LCLAT1: variants seen among roughly 807,000 people sequenced by gnomAD.
LCLAT1 encodes 1-AGP acyltransferase 8.
In LCLAT1, 11 loss-of-function variants were observed where a neutral mutation model predicts 30.7. The ratio of observed to expected loss-of-function variants is 0.36; its 90% CI spans 0.23 to 0.59. The LOEUF is 0.59. Among genes scored for constraint, LCLAT1 ranks in the 20% least tolerant of loss-of-function variants. The pLI is 0.77. For synonymous variants in LCLAT1, 155 were observed against 151.3 expected (o/e 1.02, Z -0.18); for missense variants, 402 against 458.6 (o/e 0.88, Z 1.13).
At chr2:30,633,063 C>G (rs1402760298) in intron 5 of LCLAT1, among the ~76,000 whole-genome samples, 2 of 152,128 alleles carry the variant, frequency 1.3e-5, no homozygotes, top group Non-Finnish European at 2.9e-5. Context: ...CAAGACTGTT[C>G]TTCAAAATGT....
At position 30,643,852 on chromosome 2, in the gene LCLAT1, G is replaced by A. The variant is rs1374703875; in HGVS notation, c.*3233G>A. 6.6e-6 allele frequency: 1 copy of A among 152,600 alleles called. No homozygotes were observed. The highest frequency in any genetic ancestry group is 6.5e-5 in the Admixed American group (1 of 15,274). 9.5% of individuals were successfully genotyped at this position (152,600 alleles called of 1,614,324 possible). A position where few individuals can be genotyped will look rare whatever the true frequency, so the allele number is the denominator to read the frequency against. On this transcript the variant is annotated 3_prime_UTR_variant, in exon 6 of 6. Coordinates refer to ENST00000379509, the MANE Select transcript of LCLAT1 (RefSeq NM_001002257.3). ...GTAAAGTCTCTTTTTGCTACTGAAA[G>A]GGAAATGGTCTCTAAACACTGGTCA...
chr2:30,548,773 ATATATT>A (rs1400529106), intron 3 of LCLAT1, among the ~76,000 whole-genome samples: 1 of 152,168 alleles, frequency 6.6e-6, no homozygotes, highest in African/African-American at 2.4e-5. Context: ...TGGCAAGGTA[ATATATT>A]TTGGGGTAAA....
chr2:30,493,806 C>A (rs1241331059), intron 1 of LCLAT1, among the ~76,000 whole-genome samples: 1 of 152,012 alleles, frequency 6.6e-6, no homozygotes, highest in African/African-American at 2.4e-5. Context: ...ATTGAAATAT[C>A]AAATAAGGTA....
At chr2:30,605,468 A>T (rs2593448) in intron 5 of LCLAT1, among the ~76,000 whole-genome samples, 1 of 152,162 alleles carries the variant, frequency 6.6e-6, no homozygotes, top group African/African-American at 2.4e-5. Flanking sequence ...AGACCAATTT[A>T]CATATTGTTT....
At chr2:30,543,701 AT>A (rs1341067957) in intron 3 of LCLAT1, among the ~76,000 whole-genome samples, 1 of 152,088 alleles carries the variant, frequency 6.6e-6, no homozygotes, top group Non-Finnish European at 1.5e-5. Flanking sequence ...GTTGTTAATA[AT>A]ATTTTGTTAA....
chr2:30,579,118 T>C (rs1448265094), intron 5 of LCLAT1, among the ~76,000 whole-genome samples: 1 of 152,170 alleles, frequency 6.6e-6, no homozygotes, highest in African/African-American at 2.4e-5. Flanking sequence ...GCCATTCTTA[T>C]ATGCCTAGAT....
At chr2:30,524,207 T>G (rs17322869) in intron 1 of LCLAT1, among the ~76,000 whole-genome samples, 27,933 of 152,188 alleles carry the variant, frequency 0.18, 3,096 homozygotes, top group Middle Eastern at 0.24. Context: ...GCATTTATTT[T>G]AAAACATCTG....
At chr2:30,552,222 A>G (rs1218320171) in intron 3 of LCLAT1, among the ~76,000 whole-genome samples, 3 of 152,218 alleles carry the variant, frequency 2.0e-5, no homozygotes, top group Non-Finnish European at 4.4e-5. Context: ...AATATGAAAG[A>G]TGAGTTTGGT....
chr2:30,483,287 G>A (rs1001981578), intron 1 of LCLAT1, among the ~76,000 whole-genome samples: 5 of 152,036 alleles, frequency 3.3e-5, no homozygotes, highest in African/African-American at 9.7e-5. Flanking sequence ...CCAGGAGTTC[G>A]AGACCAGCTT....
intron 4 of LCLAT1, among the ~76,000 whole-genome samples, chr2:30,567,784 C>T (rs1012177718): frequency 6.6e-6 from 1 of 152,294 alleles, no homozygotes; most frequent in African/African-American, 2.4e-5. Flanking sequence ...TTTGCTGGCT[C>T]TCTGTTTAAA....
Position 30,553,173 on chromosome 2 carries a change from G to A in LCLAT1, c.365-8973G>A, listed in dbSNP as rs79439842. Among the ~76,000 whole-genome samples, 1,059 of 152,170 alleles carry A rather than the reference G, an allele frequency of 7.0e-3. 11 individuals are homozygous for A. Among genetic ancestry groups the A allele is most frequent in the African/African-American group, 0.024 (1,005 of 41,516 alleles). ...CACTGAAATGAAAAAAAAAAGTTGT[G>A]AAAAGGCTTACTTTTTATTAAGAAT... On this transcript the variant is annotated intron_variant, in intron 3 of 5. Transcript: ENST00000379509.
At chr2:30,599,711 G>A (rs1324206356) in intron 5 of LCLAT1, among the ~76,000 whole-genome samples, 2 of 152,044 alleles carry the variant, frequency 1.3e-5, no homozygotes, top group African/African-American at 4.8e-5. Flanking sequence ...GCCCTTCTTT[G>A]TCTTTTTTGA....
At chr2:30,535,594 T>A (rs999595254) in intron 3 of LCLAT1, among the ~76,000 whole-genome samples, 1 of 152,212 alleles carries the variant, frequency 6.6e-6, no homozygotes, top group African/African-American at 2.4e-5. Context: ...ATATTACTGT[T>A]CTTACATGGA....
At chr2:30,546,936 T>C (rs922294317) in intron 3 of LCLAT1, among the ~76,000 whole-genome samples, 1 of 152,076 alleles carries the variant, frequency 6.6e-6, no homozygotes, top group African/African-American at 2.4e-5. Flanking sequence ...TATTGATGAA[T>C]GTATTAAGAT....
chr2:30,594,177 T>C (rs1666817660), intron 5 of LCLAT1, among the ~76,000 whole-genome samples: 1 of 152,144 alleles, frequency 6.6e-6, no homozygotes, highest in African/African-American at 2.4e-5. Context: ...ATGTTATTTT[T>C]AGTCTATATG....
chr2:30,572,524 C>T (rs1407395651), intron 5 of LCLAT1, among the ~76,000 whole-genome samples: 4 of 152,158 alleles, frequency 2.6e-5, no homozygotes, highest in Non-Finnish European at 1.5e-5. Flanking sequence ...CCTACCTAAG[C>T]TAGGTGGTAG....
chr2:30,566,956 C>T lies in LCLAT1; in HGVS notation c.512-1104C>T, dbSNP rs145995694. 4.6e-5 allele frequency among the ~76,000 whole-genome samples: 7 copies of T among 152,178 alleles called. No homozygotes were observed. In the South Asian group the frequency reaches 6.2e-4, roughly 14 times the overall value. On this transcript the variant is annotated intron_variant, in intron 4 of 5. Transcript: ENST00000379509. ...ATCATGTGCCCATTTTGTTATGGAG[C>T]GGTTTGGGTTAGTAATATTAACATA...
At chr2:30,458,657 G>A (rs1421748868) in intron 1 of LCLAT1, among the ~76,000 whole-genome samples, 1 of 152,160 alleles carries the variant, frequency 6.6e-6, no homozygotes, top group Non-Finnish European at 1.5e-5. Context: ...GTGGGTGGAA[G>A]TGGAATATAC....
intron 1 of LCLAT1, among the ~76,000 whole-genome samples, chr2:30,489,703 TC>T (rs926163129): frequency 1.2e-4 from 18 of 152,096 alleles, no homozygotes; most frequent in Admixed American, 5.9e-4. Context: ...GCCTATTCTG[TC>T]CCATCTGGTC....
Sources: gnomAD v4.1 joint callset for allele counts (sites outside exome capture counted in the v4.1 genomes callset) on GRCh38, gnomAD v4.1.1 for gene constraint, MANE v1.5 for transcripts, NCBI Gene and HGNC (gene_info 2026-07-23, HGNC 2026-07-21) for gene names.